The following DPP6 variants were observed in gnomAD, a reference collection of about 807,000 sequenced individuals.
DPP6 encodes the protein A-type potassium channel modulatory protein DPP6.
A neutral mutation model predicts 122.6 loss-of-function variants in DPP6; 69 were observed. That is an observed-to-expected ratio of 0.56 (90% CI 0.46 to 0.69). The LOEUF is 0.69. DPP6 is among the 30% of genes least tolerant of loss of function. The probability of loss-of-function intolerance (pLI) is 0.00; values close to 1 mark genes in which losing one functional copy is unlikely to be tolerated. For missense variants in DPP6, 928 were observed against 1,116.9 expected (o/e 0.83, Z 2.41); for synonymous variants, 418 against 433.1 (o/e 0.97, Z 0.43).
At chr7:154,204,642 C>T (rs1282749094) in intron 1 of DPP6, among the ~76,000 whole-genome samples, 4 of 152,060 alleles carry the variant, frequency 2.6e-5, no homozygotes, top group South Asian at 2.1e-4. Context: ...TCATGGCTGC[C>T]GACACCCTTG....
chr7:154,423,806 G>T (rs1158018095), intron 1 of DPP6, among the ~76,000 whole-genome samples: 1 of 152,176 alleles, frequency 6.6e-6, no homozygotes, highest in Non-Finnish European at 1.5e-5. Flanking sequence ...GTTGAGTTTT[G>T]CAGCACAGCT....
chr7:154,801,331 T>C, intron 12 of DPP6, 24 bp from the exon 13 acceptor site: 1 of 1,562,058 alleles, frequency 6.4e-7, no homozygotes. Context: ...TAGTTGTGGT[T>C]TCATCCGTGG....
At chr7:154,530,147 G>GA (rs1249520407) in intron 3 of DPP6, among the ~76,000 whole-genome samples, 1 of 150,876 alleles carries the variant, frequency 6.6e-6, no homozygotes, top group Admixed American at 6.6e-5. Flanking sequence ...AAAAGAAAAA[G>GA]AAAAAAAAGA....
intron 1 of DPP6, among the ~76,000 whole-genome samples, chr7:154,385,702 G>C (rs568901024): frequency 1.2e-4 from 18 of 152,210 alleles, no homozygotes; most frequent in Non-Finnish European, 1.8e-4. Context: ...ACTCCCAGTT[G>C]ATGGCACCTG....
chr7:154,763,100 G>C (rs1172025528), intron 8 of DPP6, among the ~76,000 whole-genome samples: 1 of 152,254 alleles, frequency 6.6e-6, no homozygotes, highest in Non-Finnish European at 1.5e-5. Context: ...GGGAGGCCCA[G>C]GCGGGTGGAT....
At chr7:154,106,735 G>GC (rs1205128612) in intron 1 of DPP6, among the ~76,000 whole-genome samples, 1 of 152,134 alleles carries the variant, frequency 6.6e-6, no homozygotes, top group Admixed American at 6.5e-5. Flanking sequence ...ACAGGTGAGA[G>GC]CAGGTGCACA....
In DPP6 at chr7:154,021,732, T is replaced by C. The variant is rs1202382572; in HGVS notation, c.51+133998T>C. Among the ~76,000 whole-genome samples the C allele has an allele frequency of 2.6e-5, 4 of 152,140 alleles. No individual in the cohort carries two copies. The East Asian group carries it at 7.7e-4, about 29-fold the overall frequency. ...AGTAGAGACAAGTGAGCTTGGCACG[T>C]GGATATGTGAAGTGCTGTGTGCATT... On this transcript the variant is annotated intron_variant, in intron 1 of 25. Coordinates refer to the DPP6 transcript ENST00000404039.
At chr7:153,944,663 GGTTTTTTT>G (rs1426110283) in intron 1 of DPP6, among the ~76,000 whole-genome samples, 2 of 103,952 alleles carry the variant, frequency 1.9e-5, no homozygotes, top group African/African-American at 7.7e-5. Flanking sequence ...TTTTTGTGTG[GGTTTTTTT>G]TTTTTTTTTT....
At chr7:154,567,390 A>G (rs1830827919) in intron 5 of DPP6, among the ~76,000 whole-genome samples, 2 of 152,220 alleles carry the variant, frequency 1.3e-5, no homozygotes, top group African/African-American at 4.8e-5. Flanking sequence ...CACTTCCTGT[A>G]TATATGAGCC....
rs1339467622 is a variant in DPP6, at chr7:154,282,201, G to T, written c.244-164013G>T. Reference sequence around the variant, plus strand: ...TTCCCCTCCCTATTCCATTCTCTCTGTGGCCCCATAGAGAAGACTCCAATC... The same window carrying T: ...TTCCCCTCCCTATTCCATTCTCTCTTTGGCCCCATAGAGAAGACTCCAATC... On this transcript the variant is annotated intron_variant, in intron 1 of 25. Coordinates refer to ENST00000377770, the MANE Select transcript of DPP6 (RefSeq NM_130797.4). The surrounding 1 kb of genome is among the most constrained non-coding windows in gnomAD (Gnocchi z 4.8). 6.6e-6 allele frequency among the ~76,000 whole-genome samples: 1 copy of T among 151,982 alleles called. No individual in the cohort carries two copies. Among genetic ancestry groups the T allele is most frequent in the African/African-American group, 2.4e-5 (1 of 41,370 alleles).
intron 7 of DPP6, among the ~76,000 whole-genome samples, chr7:154,718,555 C>T (rs1206204419): frequency 3.3e-5 from 5 of 152,010 alleles, no homozygotes; most frequent in South Asian, 4.2e-4. Context: ...TCCCACACCC[C>T]CCCCAACTTT....
chr7:154,828,791 A>G (rs1010169405), intron 16 of DPP6, among the ~76,000 whole-genome samples: 2 of 152,198 alleles, frequency 1.3e-5, no homozygotes, highest in African/African-American at 4.8e-5. Flanking sequence ...AACAGGTTAC[A>G]CTTAGCTCAG....
At chr7:154,566,577 C>G (rs1830763790) in intron 4 of DPP6, among the ~76,000 whole-genome samples, 1 of 152,044 alleles carries the variant, frequency 6.6e-6, no homozygotes, top group African/African-American at 2.4e-5. Flanking sequence ...AGGTGTGAGC[C>G]AGTGCACCCA....
At chr7:153,907,142 T>C (rs1482382096) in intron 1 of DPP6, among the ~76,000 whole-genome samples, 5 of 152,226 alleles carry the variant, frequency 3.3e-5, no homozygotes, top group African/African-American at 1.2e-4. Flanking sequence ...CATTCCCTTT[T>C]CTCTGCATCC....
intron 7 of DPP6, among the ~76,000 whole-genome samples, chr7:154,690,179 A>G (rs1418348096): frequency 1.3e-5 from 2 of 152,212 alleles, no homozygotes; most frequent in Non-Finnish European, 2.9e-5. Context: ...ATCAAAATGA[A>G]CATATGAAAT....
intron 1 of DPP6, among the ~76,000 whole-genome samples, chr7:154,065,305 T>A (rs1480359893): frequency 1.5e-5 from 2 of 132,690 alleles, no homozygotes; most frequent in African/African-American, 3.0e-5. Context: ...CATCACTCTT[T>A]GAGGGCCCTG....
At chr7:153,923,630 G>A (rs896157837) in intron 1 of DPP6, among the ~76,000 whole-genome samples, 10 of 151,676 alleles carry the variant, frequency 6.6e-5, no homozygotes, top group African/African-American at 2.2e-4. Flanking sequence ...GCATGGTGGC[G>A]GGCACCTGTA....
chr7:154,592,025 C>T (rs575791184), intron 5 of DPP6, among the ~76,000 whole-genome samples: 5 of 152,298 alleles, frequency 3.3e-5, no homozygotes, highest in South Asian at 2.1e-4. Flanking sequence ...CGTAGGAAGA[C>T]GGGAATCTAG....
chr7:154,759,798 AATACGGT>A (rs1795412680), intron 8 of DPP6, among the ~76,000 whole-genome samples: 1 of 152,200 alleles, frequency 6.6e-6, no homozygotes, highest in Non-Finnish European at 1.5e-5. Context: ...ACTAGATGCC[AATACGGT>A]GACACCAGGA....
Sources: allele counts gnomAD v4.1 joint callset (sites outside exome capture counted in the v4.1 genomes callset), GRCh38; gene constraint gnomAD v4.1.1; non-coding constraint Gnocchi (gnomAD v3.1); transcripts MANE v1.5; gene names NCBI Gene and HGNC (gene_info 2026-07-23, HGNC 2026-07-21).